The following INPP4B variants were observed in gnomAD, a reference collection of about 807,000 sequenced individuals.
INPP4B encodes the protein inositol polyphosphate 4-phosphatase type II.
Under a neutral mutation model 122.5 loss-of-function variants are expected in INPP4B, and 55 were observed. That is an observed-to-expected ratio of 0.45 (90% confidence interval 0.36 to 0.56). INPP4B has a LOEUF of 0.56. Among genes scored for constraint, INPP4B ranks in the 20% least tolerant of loss-of-function variants. The pLI is 0.00. For missense variants in INPP4B, 1,000 were observed against 1,097.7 expected (o/e 0.91, Z 1.26); for synonymous variants, 403 against 388.7 (o/e 1.04, Z -0.43).
At chr4:142,616,220 T>C (rs1743671080) in intron 2 of INPP4B, among the ~76,000 whole-genome samples, 2 of 152,172 alleles carry the variant, frequency 1.3e-5, no homozygotes, top group Non-Finnish European at 1.5e-5. Flanking sequence ...AGTGTGGTGA[T>C]GACTCCCAGT....
At chr4:142,172,958 A>G (rs955158847) in intron 16 of INPP4B, among the ~76,000 whole-genome samples, 3 of 151,946 alleles carry the variant, frequency 2.0e-5, no homozygotes, top group South Asian at 2.1e-4. Flanking sequence ...GTCTTTTTCT[A>G]TCTCAGCTTT....
At chr4:142,232,449 T>C (rs1332971791) in intron 12 of INPP4B, among the ~76,000 whole-genome samples, 1 of 152,120 alleles carries the variant, frequency 6.6e-6, no homozygotes, top group Admixed American at 6.6e-5. Context: ...TTGATATTAC[T>C]ATTGTAATTA....
rs373123933 is a variant in INPP4B at position 142,385,525 on chromosome 4, A to G, written c.372+17413T>C. Among the ~76,000 whole-genome samples the G allele has an allele frequency of 6.6e-5, 10 of 152,284 alleles. No homozygotes were observed. In the East Asian group the frequency reaches 1.9e-3, roughly 29 times the overall value. ...TTCACCTCTGAATACAGAATAGGAA[A>G]TGGTCTTACCGAACGATTATATTTA... is the stretch of plus-strand genomic sequence containing the variant. On this transcript the variant is annotated intron_variant, in intron 7 of 25. Coordinates refer to ENST00000262992, the MANE Select transcript of INPP4B (RefSeq NM_001101669.3).
At chr4:142,452,454 C>T (rs534884703) in intron 3 of INPP4B, among the ~76,000 whole-genome samples, 6 of 152,280 alleles carry the variant, frequency 3.9e-5, no homozygotes, top group African/African-American at 1.2e-4. Context: ...GGAACACATG[C>T]TTGATGGAAT....
chr4:142,707,412 T>C (rs1762596694), intron 2 of INPP4B, among the ~76,000 whole-genome samples: 5 of 152,240 alleles, frequency 3.3e-5, no homozygotes, highest in African/African-American at 1.2e-4. Context: ...GGTTTGGATT[T>C]GTGTCCCACT....
intron 2 of INPP4B, among the ~76,000 whole-genome samples, chr4:142,497,598 T>A (rs896178933): frequency 6.6e-6 from 1 of 152,210 alleles, no homozygotes; most frequent in Admixed American, 6.5e-5. Context: ...ATCAAAGTTA[T>A]AAATAATTAA....
chr4:142,301,307 T>A (rs1376945807), intron 9 of INPP4B, among the ~76,000 whole-genome samples: 1 of 152,188 alleles, frequency 6.6e-6, no homozygotes, highest in East Asian at 1.9e-4. Context: ...TGCAGGCAGA[T>A]AAAATTGAAT....
In INPP4B at chr4:142,086,440, A is replaced by G. The variant is rs894276317; in HGVS notation, c.2375-184T>C. ...CTCTGCTCACTGCAGCCCAGCCTCA[A>G]TTTCCCAGACTCAAGTGATCCTCCC... On this transcript the variant is annotated intron_variant, in intron 23 of 25. Coordinates refer to ENST00000262992, the MANE Select transcript of INPP4B (RefSeq NM_001101669.3). Among the ~76,000 whole-genome samples the G allele has an allele frequency of 3.9e-5, 6 of 152,092 alleles. No individual in the cohort carries two copies. The South Asian group carries it at 1.2e-3, about 31-fold the overall frequency.
chr4:142,798,902 TAGG>T (rs1265986773), intron 1 of INPP4B, among the ~76,000 whole-genome samples: 1 of 151,422 alleles, frequency 6.6e-6, no homozygotes, highest in Admixed American at 6.6e-5. Context: ...CCTTAACTAA[TAGG>T]AGAACAAAAA....
At chr4:142,576,393 G>C (rs1733850048) in intron 2 of INPP4B, among the ~76,000 whole-genome samples, 1 of 151,686 alleles carries the variant, frequency 6.6e-6, no homozygotes, top group African/African-American at 2.4e-5. Context: ...CAATCTACCT[G>C]GTAAGATCAT....
chr4:142,516,064 G>T (rs1825380263), intron 2 of INPP4B, among the ~76,000 whole-genome samples: 1 of 152,002 alleles, frequency 6.6e-6, no homozygotes, highest in Admixed American at 6.6e-5. Flanking sequence ...ATTCTCAAAG[G>T]GGCAATCCAG....
chr4:142,771,893 T>C (rs1773131516), intron 1 of INPP4B, among the ~76,000 whole-genome samples: 1 of 152,170 alleles, frequency 6.6e-6, no homozygotes, highest in Non-Finnish European at 1.5e-5. Context: ...AAGTTAGTCT[T>C]CAATAACTTC....
chr4:142,097,086 T>C (rs1782143426), intron 23 of INPP4B, among the ~76,000 whole-genome samples: 1 of 152,042 alleles, frequency 6.6e-6, no homozygotes, highest in Admixed American at 6.5e-5. Flanking sequence ...CTATTTTAAA[T>C]AAAATTAATT....
At chr4:142,305,826 T>C (rs1463472500) in intron 8 of INPP4B, 14 of 1,158,198 alleles carry the variant, frequency 1.2e-5, no homozygotes, top group Admixed American at 4.5e-5. Flanking sequence ...TAATTTTCTC[T>C]GCATATGAAA....
At chr4:142,673,287 G>T (rs1367221612) in intron 2 of INPP4B, among the ~76,000 whole-genome samples, 1 of 151,974 alleles carries the variant, frequency 6.6e-6, no homozygotes, top group African/African-American at 2.4e-5. Flanking sequence ...GATTGAAATT[G>T]CATTGAATCT....
chr4:142,250,364 A>G (rs1469707619), intron 11 of INPP4B, among the ~76,000 whole-genome samples: 1 of 152,226 alleles, frequency 6.6e-6, no homozygotes, highest in Non-Finnish European at 1.5e-5. Context: ...ATAAGATATG[A>G]CATTCTCTCC....
At chr4:142,798,936 A>G (rs568495423) in intron 1 of INPP4B, among the ~76,000 whole-genome samples, 6 of 151,894 alleles carry the variant, frequency 4.0e-5, no homozygotes, top group Admixed American at 3.9e-4. Context: ...TGTGATGGTT[A>G]AAGTGTTTAT....
intron 2 of INPP4B, among the ~76,000 whole-genome samples, chr4:142,622,054 T>A (rs1580527295): frequency 6.6e-6 from 1 of 152,074 alleles, no homozygotes; most frequent in East Asian, 1.9e-4. Flanking sequence ...TCCATGTGCT[T>A]AAACAGCTTC....
At chr4:142,396,635 C>T (rs561253683) in intron 7 of INPP4B, among the ~76,000 whole-genome samples, 1 of 152,248 alleles carries the variant, frequency 6.6e-6, no homozygotes, top group African/African-American at 2.4e-5. Context: ...AGCACATTTT[C>T]ATACCAATAT....
Sources: allele counts gnomAD v4.1 joint callset (sites outside exome capture counted in the v4.1 genomes callset), GRCh38; gene constraint gnomAD v4.1.1; transcripts MANE v1.5; gene names NCBI Gene and HGNC (gene_info 2026-07-23, HGNC 2026-07-21).